CCNY: variants seen among roughly 807,000 people sequenced by gnomAD.
CCNY encodes cyclin Y.
CCNY carries 19 observed loss-of-function variants against 42.8 expected under a neutral mutation model. The ratio of observed to expected loss-of-function variants is 0.44; its 90% CI spans 0.31 to 0.65. The LOEUF is 0.65. Ranked by LOEUF, CCNY falls within the 30% of genes least tolerant of loss-of-function variation. The probability of loss-of-function intolerance (pLI) is 0.07; values close to 1 mark genes in which losing one functional copy is unlikely to be tolerated. For synonymous variants in CCNY, 165 were observed against 162.7 expected (o/e 1.01, Z -0.11); for missense variants, 370 against 437.3 (o/e 0.85, Z 1.37).
intron 2 of CCNY, among the ~76,000 whole-genome samples, chr10:35,500,108 C>T (rs1458769153): frequency 1.3e-5 from 2 of 152,218 alleles, no homozygotes; most frequent in Non-Finnish European, 2.9e-5. Context: ...GCTGTCTGTG[C>T]ACTCGTGCTC....
intron 3 of CCNY, among the ~76,000 whole-genome samples, chr10:35,328,607 T>C (rs1335094338): frequency 1.3e-5 from 2 of 152,150 alleles, no homozygotes; most frequent in Non-Finnish European, 2.9e-5. Flanking sequence ...GGAGAAACAC[T>C]GCAGGCAGAA....
At chr10:35,556,994 G>T (rs536129264) in intron 8 of CCNY, among the ~76,000 whole-genome samples, 1 of 151,948 alleles carries the variant, frequency 6.6e-6, no homozygotes, top group African/African-American at 2.4e-5. Context: ...ACAGGCGCCC[G>T]CCATTAGTCC....
chr10:35,292,779 T>C (rs999705424), intron 3 of CCNY, among the ~76,000 whole-genome samples: 6 of 150,996 alleles, frequency 4.0e-5, no homozygotes, highest in African/African-American at 1.5e-4. Context: ...TGCTTTGTTT[T>C]TGTTTTTTTT....
intron 2 of CCNY, among the ~76,000 whole-genome samples, chr10:35,497,406 A>G (rs1351480931): frequency 6.6e-6 from 1 of 152,178 alleles, no homozygotes; most frequent in Non-Finnish European, 1.5e-5. Context: ...GATTTGGGCA[A>G]TTCTGTCAGT....
chr10:35,265,695 C>T (rs2135036658), intron 3 of CCNY, among the ~76,000 whole-genome samples: 1 of 152,330 alleles, frequency 6.6e-6, no homozygotes. Context: ...TGAAGCAGGG[C>T]ACGGGTTGCC....
intron 1 of CCNY, among the ~76,000 whole-genome samples, chr10:35,439,689 T>G (rs1354353357): frequency 6.6e-6 from 1 of 151,894 alleles, no homozygotes; most frequent in African/African-American, 2.4e-5. Context: ...GAGATCTAGC[T>G]TCTTGGTAGG....
intron 2 of CCNY, among the ~76,000 whole-genome samples, chr10:35,493,632 G>A (rs943203900): frequency 1.3e-5 from 2 of 152,138 alleles, no homozygotes. Context: ...GCGATCCTCT[G>A]GAATCAGACT....
intron 3 of CCNY, among the ~76,000 whole-genome samples, chr10:35,293,781 A>C (rs1182793223): frequency 6.6e-6 from 1 of 151,708 alleles, no homozygotes; most frequent in Non-Finnish European, 1.5e-5. Flanking sequence ...GTACAGACAT[A>C]CAATTGATTT....
In CCNY at chr10:35,311,566, A is replaced by G. The variant is rs560244495; in HGVS notation, c.-9+60940A>G. On this transcript the variant is annotated intron_variant, in intron 3 of 11. Coordinates refer to the CCNY transcript ENST00000374706. ...GTGGCATGTGCCTTTAGTCCCAGCT[A>G]CTTGGGAGGCTGAGGTGGGAGGATC... 1.2e-4 allele frequency among the ~76,000 whole-genome samples: 18 copies of G among 151,898 alleles called. 1 individual carries two copies. The East Asian group carries it at 2.7e-3, about 23-fold the overall frequency.
At chr10:35,463,592 G>C (rs979575296) in intron 1 of CCNY, among the ~76,000 whole-genome samples, 2 of 152,202 alleles carry the variant, frequency 1.3e-5, no homozygotes, top group African/African-American at 4.8e-5. Flanking sequence ...ATTACAATTT[G>C]ATAACAAATG....
At chr10:35,516,148 G>A (rs531968686) in intron 3 of CCNY, among the ~76,000 whole-genome samples, 71 of 152,308 alleles carry the variant, frequency 4.7e-4, no homozygotes, top group African/African-American at 1.3e-3. Context: ...ATCTTAGTGC[G>A]TAAAACCAGG....
At position 35,444,835 on chromosome 10, in the gene CCNY, G is replaced by A. The variant is rs545328277; in HGVS notation, c.155-38569G>A. 8.5e-5 allele frequency among the ~76,000 whole-genome samples: 13 copies of A among 152,324 alleles called. No homozygotes were observed. The East Asian group carries it at 1.5e-3, about 18-fold the overall frequency. On this transcript the variant is annotated intron_variant, in intron 1 of 9. Transcript: ENST00000374704. ...GAATGGATGTAGGGGTGGAGGAGGC[G>A]AGAGGTAGAGATGCTAGGATATTGA...
At chr10:35,470,568 T>C (rs1413029882) in intron 1 of CCNY, among the ~76,000 whole-genome samples, 1 of 152,140 alleles carries the variant, frequency 6.6e-6, no homozygotes, top group East Asian at 1.9e-4. Flanking sequence ...AGGAAACAAC[T>C]AAATATAAGT....
chr10:35,564,245 C>T (rs538301132), intron 8 of CCNY, among the ~76,000 whole-genome samples: 25 of 152,108 alleles, frequency 1.6e-4, no homozygotes, highest in Non-Finnish European at 2.6e-4. Flanking sequence ...ACTCTTTTCA[C>T]GAGGCTGTGT....
intron 1 of CCNY, among the ~76,000 whole-genome samples, chr10:35,375,072 T>C (rs975667219): frequency 1.3e-5 from 2 of 152,202 alleles, no homozygotes; most frequent in Admixed American, 6.5e-5. Context: ...AAGTACATTT[T>C]TTTTTTTAAA....
Position 35,493,143 on chromosome 10 carries a change from T to C in CCNY, c.230-8358T>C, listed in dbSNP as rs190291024. Among the ~76,000 whole-genome samples, 13 of 152,326 alleles carry C rather than the reference T, an allele frequency of 8.5e-5. No homozygotes were observed. In the East Asian group the frequency reaches 2.5e-3, roughly 29 times the overall value. ...GGCTTTCCAGTGTGGAGAAAGCTGC[T>C]GATATAGTACAAACTCAGATGAAAT... is the stretch of plus-strand genomic sequence containing the variant. On this transcript the variant is annotated intron_variant, in intron 2 of 9. Transcript: ENST00000374704.
intron 3 of CCNY, among the ~76,000 whole-genome samples, chr10:35,262,401 C>G (rs2095720670): frequency 7.2e-6 from 1 of 137,998 alleles, no homozygotes; most frequent in Non-Finnish European, 1.6e-5. Flanking sequence ...CTCTGTTGCC[C>G]AGGCTAGAGT....
At chr10:35,358,019 T>C (rs1836596212) in intron 1 of CCNY, among the ~76,000 whole-genome samples, 1 of 152,200 alleles carries the variant, frequency 6.6e-6, no homozygotes, top group Non-Finnish European at 1.5e-5. Context: ...TATGTCCTTA[T>C]CATTCCTTCA....
At chr10:35,307,178 C>T (rs1031751543) in intron 3 of CCNY, among the ~76,000 whole-genome samples, 1 of 152,186 alleles carries the variant, frequency 6.6e-6, no homozygotes, top group Non-Finnish European at 1.5e-5. Flanking sequence ...CCTCATCAGG[C>T]TGTGGTGCGG....
Sources: allele counts gnomAD v4.1 joint callset (sites outside exome capture counted in the v4.1 genomes callset), GRCh38; gene constraint gnomAD v4.1.1; transcripts MANE v1.5; gene names NCBI Gene and HGNC (gene_info 2026-07-23, HGNC 2026-07-21).